PPWD1: variants seen among roughly 807,000 people sequenced by gnomAD.
PPWD1 encodes peptidylprolyl isomerase domain and WD repeat-containing protein 1.
In PPWD1, 43 loss-of-function variants were observed where a neutral mutation model predicts 68.8. The ratio of observed to expected loss-of-function variants is 0.62; its 90% CI spans 0.49 to 0.81. The LOEUF is 0.81. PPWD1 is among the 30% of genes least tolerant of loss of function. The probability of loss-of-function intolerance (pLI) is 0.00; values close to 1 mark genes in which losing one functional copy is unlikely to be tolerated. For synonymous variants in PPWD1, 232 were observed against 258.7 expected (o/e 0.90, Z 0.99); for missense variants, 672 against 804.8 (o/e 0.83, Z 2.00).
At chr5:65,573,477 T>TATATATATATATATATATATATATATAA (rs1561725705) in intron 5 of PPWD1, among the ~76,000 whole-genome samples, 1 of 20,150 alleles carries the variant, frequency 5.0e-5, no homozygotes, top group Non-Finnish European at 1.2e-4. Context: ...ATATATATAT[T>TATATATATATATATATATATATATATAA]TTTTTTTTAT....
intron 1 of PPWD1, chr5:65,563,837 T>A: frequency 6.7e-7 from 1 of 1,496,074 alleles, no homozygotes; most frequent in South Asian, 1.2e-5. Flanking sequence ...AACTCTTATT[T>A]AGGTATGCAA....
chr5:65,587,132 T>A (rs2150613061), intron 10 of PPWD1, 121 bp from the exon 11 acceptor site: 2 of 1,095,220 alleles, frequency 1.8e-6, no homozygotes, highest in Non-Finnish European at 2.4e-6. Context: ...TTATTGTACT[T>A]CTTTTTAAAT....
rs1428005781 is a variant in PPWD1 at position 65,587,386 on chromosome 5, C to G, written c.1931C>G (p.Thr644Ser). ...GAGGATGTCAGCATCATAAATATTA[C>G]TGTCAAGTAAAATAAGATTTGTTTT... ...PYEDVSIINITVK is the reference protein window; with the variant it reads ...PYEDVSIINISVK The change falls in exon 11 of 11, where the codon ACT becomes AGT. Residue 644 changes from threonine to serine, a missense_variant. By Grantham distance (58) the Thr-to-Ser change is moderately conservative. Around this residue, in one of 2 missense-constraint regions of PPWD1, gnomAD observed 484 missense variants for 646.2 expected, o/e 0.75. Transcript: ENST00000261308. 1.2e-6 allele frequency: 2 copies of G among 1,604,834 alleles called. No individual in the cohort carries two copies. The highest frequency in any genetic ancestry group is 2.2e-5 in the East Asian group (1 of 44,736).
At chr5:65,573,123 C>T (rs1351063366) in intron 5 of PPWD1, among the ~76,000 whole-genome samples, 1 of 151,906 alleles carries the variant, frequency 6.6e-6, no homozygotes, top group East Asian at 1.9e-4. Context: ...CTTGAACCTG[C>T]CTCCCACCAC....
chr5:65,574,947 A>G (rs1753217646), intron 5 of PPWD1, among the ~76,000 whole-genome samples: 1 of 152,242 alleles, frequency 6.6e-6, no homozygotes, highest in South Asian at 2.1e-4. Context: ...TAAATTACTT[A>G]CAGTGCTAGT....
intron 6 of PPWD1, among the ~76,000 whole-genome samples, chr5:65,577,561 T>A (rs1753355493): frequency 1.3e-5 from 2 of 152,164 alleles, no homozygotes; most frequent in South Asian, 4.1e-4. Context: ...ACTTAATATT[T>A]TAAGGAGAAA....
At position 65,569,981 on chromosome 5, in the gene PPWD1, C is replaced by A; in HGVS notation, c.504C>A (p.Ile168=). 2 of 1,610,992 alleles carry A rather than the reference C, an allele frequency of 1.2e-6. No individual in the cohort carries two copies. Among genetic ancestry groups the A allele is most frequent in the South Asian group, 2.2e-5 (2 of 90,602 alleles). ...TTGATGTAGTGAACTTTGACATGAT[C>A]AACATGCTGAAACTTGGGTGAGTCT... ...KVFDVVNFDM[I]NMLKLGYFPG... The change falls in exon 4 of 11, where the codon ATC becomes ATA. Residue 168 remains isoleucine, a synonymous_variant. Transcript: ENST00000261308.
intron 7 of PPWD1, among the ~76,000 whole-genome samples, chr5:65,580,338 T>C (rs1753538099): frequency 6.6e-6 from 1 of 152,232 alleles, no homozygotes; most frequent in East Asian, 1.9e-4. Flanking sequence ...CTGGCCCTCC[T>C]CACTTCTGTA....
chr5:65,585,005 T>A lies in PPWD1; in HGVS notation c.1533-9T>A. The A allele has an allele frequency of 6.2e-7, 1 of 1,610,796 alleles. No individual in the cohort carries two copies. The highest frequency in any genetic ancestry group is 8.5e-7 in the Non-Finnish European group (1 of 1,178,116). On this transcript the variant is annotated splice_polypyrimidine_tract_variant and intron_variant, in intron 8 of 10. Coordinates refer to ENST00000261308, the MANE Select transcript of PPWD1 (RefSeq NM_015342.4). ...ATAGGTTTCATATTTGTAACATATG[T>A]CTTAATAGGTGCCCTAAGACAGTGG... is the stretch of plus-strand genomic sequence containing the variant.
chr5:65,578,450 C>T (rs568823396), intron 6 of PPWD1, among the ~76,000 whole-genome samples: 1 of 152,278 alleles, frequency 6.6e-6, no homozygotes, highest in Admixed American at 6.5e-5. Context: ...TGCATTCCCA[C>T]CAGCAATGAA....
intron 1 of PPWD1, 185 bp downstream of exon 1, chr5:65,563,691 A>G (rs553540180): frequency 9.5e-6 from 13 of 1,369,438 alleles, no homozygotes; most frequent in African/African-American, 2.9e-5. Flanking sequence ...GCGTAGTACA[A>G]CGTCTTTTTG....
intron 7 of PPWD1, among the ~76,000 whole-genome samples, chr5:65,580,777 G>A (rs1266364456): frequency 6.6e-6 from 1 of 152,178 alleles, no homozygotes; most frequent in Non-Finnish European, 1.5e-5. Context: ...GCCTCCCAAA[G>A]TGCTGGAATT....
In PPWD1 at chr5:65,572,227, G is replaced by A. The variant is rs751538658; in HGVS notation, c.910G>A (p.Val304Ile). Residue 304 changes from valine to isoleucine, a missense_variant, in exon 5 of 11, where the codon GTT (valine) becomes ATT (isoleucine). Around this residue, in one of 2 missense-constraint regions of PPWD1, gnomAD observed 484 missense variants for 646.2 expected, o/e 0.75. Transcript: ENST00000261308. Reference sequence around the variant, plus strand: ...AGCTACTATTGGTTCTGATAGAAAAGTTAGAATTTTCAGATTTGTAACTGG... The same window carrying A: ...AGCTACTATTGGTTCTGATAGAAAAATTAGAATTTTCAGATTTGTAACTGG... ...KIATIGSDRK[V>I]RIFRFVTGKL... 3.1e-6 allele frequency: 5 copies of A among 1,612,552 alleles called. No homozygotes were observed. Among genetic ancestry groups the A allele is most frequent in the Non-Finnish European group, 4.2e-6 (5 of 1,178,706 alleles).
chr5:65,587,416 T>C lies in PPWD1; in HGVS notation c.*20T>C, dbSNP rs1370998297. The C allele has an allele frequency of 1.3e-6, 2 of 1,564,346 alleles. No homozygotes were observed. The highest frequency in any genetic ancestry group is 1.8e-6 in the Non-Finnish European group (2 of 1,140,790). On this transcript the variant is annotated 3_prime_UTR_variant, in exon 11 of 11. Coordinates refer to ENST00000261308, the MANE Select transcript of PPWD1 (RefSeq NM_015342.4). Reference sequence around the variant, plus strand: ...AAGTAAAATAAGATTTGTTTTAATGTACTTGCAAATAAAAATACAATATTA... The same window carrying C: ...AAGTAAAATAAGATTTGTTTTAATGCACTTGCAAATAAAAATACAATATTA...
chr5:65,575,347 G>A (rs913300655), intron 5 of PPWD1, among the ~76,000 whole-genome samples: 17 of 152,194 alleles, frequency 1.1e-4, no homozygotes, highest in African/African-American at 4.1e-4. Flanking sequence ...AATAAGCAGC[G>A]TAATATGTAT....
intron 5 of PPWD1, among the ~76,000 whole-genome samples, chr5:65,575,015 C>T (rs1753219946): frequency 6.6e-6 from 1 of 152,140 alleles, no homozygotes; most frequent in South Asian, 2.1e-4. Context: ...AGTTTCTAAC[C>T]AGTCGGAATC....
rs751450662 is a variant in PPWD1, at chr5:65,563,415, A to T, written c.105A>T (p.Ala35=). The change falls in exon 1 of 11, where the codon GCA becomes GCT. Residue 35 remains alanine, a synonymous_variant. Transcript: ENST00000261308. ...TELSERELAV[A]VAVSQENDEE... is the part of the protein sequence containing the mutation. ...TCAGCGAAAGAGAGCTGGCAGTAGC[A>T]GTGGCGGTGTCCCAGGAGAACGATG... 6.2e-7 allele frequency: 1 copy of T among 1,614,202 alleles called. No homozygotes were observed. The highest frequency in any genetic ancestry group is 8.5e-7 in the Non-Finnish European group (1 of 1,180,028).
At chr5:65,581,861 G>C (rs1438373325) in intron 7 of PPWD1, among the ~76,000 whole-genome samples, 1 of 151,994 alleles carries the variant, frequency 6.6e-6, no homozygotes. Context: ...GCATATATAT[G>C]AATTTTGTGT....
intron 6 of PPWD1, among the ~76,000 whole-genome samples, chr5:65,578,996 A>G (rs1753467387): frequency 6.6e-6 from 1 of 151,350 alleles, no homozygotes; most frequent in Admixed American, 6.6e-5. Flanking sequence ...TCGGCTCACA[A>G]CCTCTGCCTC....
Sources: allele counts gnomAD v4.1 joint callset (sites outside exome capture counted in the v4.1 genomes callset), GRCh38; gene constraint gnomAD v4.1.1; regional missense constraint gnomAD v4.1.1; transcripts MANE v1.5; gene names NCBI Gene and HGNC (gene_info 2026-07-23, HGNC 2026-07-21).